ATF7IP: variants seen among roughly 807,000 people sequenced by gnomAD.
The protein encoded by ATF7IP is activating transcription factor 7 interacting protein.
In ATF7IP, 23 loss-of-function variants were observed where a neutral mutation model predicts 106.4. The observed-to-expected ratio is 0.22, with a 90% CI of 0.16 to 0.31. ATF7IP has a LOEUF of 0.31. Among genes scored for constraint, ATF7IP ranks in the 10% least tolerant of loss-of-function variants. The pLI is 1.00. For missense variants in ATF7IP, 1,334 were observed against 1,524.3 expected, an observed-to-expected ratio of 0.88 and a Z score of 2.08; for synonymous variants, 542 against 539.0, an observed-to-expected ratio of 1.01 and a Z score of -0.08.
intron 12 of ATF7IP, among the ~76,000 whole-genome samples, chr12:14,478,994 C>A (rs79489339): frequency 6.6e-6 from 1 of 152,088 alleles, no homozygotes; most frequent in African/African-American, 2.4e-5. Context: ...TACTTGGCTG[C>A]GCAAAATAAT....
intron 10 of ATF7IP, among the ~76,000 whole-genome samples, chr12:14,471,373 A>G (rs996512834): frequency 2.0e-5 from 3 of 152,156 alleles, no homozygotes; most frequent in East Asian, 1.9e-4. Flanking sequence ...TAAGAGTGGT[A>G]TGATTGTGAA....
rs758285920 is a variant in ATF7IP at position 14,460,505 on chromosome 12, C to A, written c.2169C>A (p.Thr723=). 1.2e-6 allele frequency: 2 copies of A among 1,612,488 alleles called. No homozygotes were observed. Among genetic ancestry groups the A allele is most frequent in the East Asian group, 4.5e-5 (2 of 44,866 alleles). The change falls in exon 9 of 15, where the codon ACC becomes ACA. Residue 723 remains threonine, a synonymous_variant. Coordinates refer to ENST00000261168, the MANE Select transcript of ATF7IP (RefSeq NM_018179.5). ...FQTPVNTVSS[T]NLVTPPAVVS... ...GTTTTCTTTCTATAGTATCTTCAAC[C>A]AATCTTGTCACTCCTCCAGCAGTTG...
chr12:14,473,033 G>T (rs1028472875), intron 10 of ATF7IP, among the ~76,000 whole-genome samples: 4 of 152,022 alleles, frequency 2.6e-5, no homozygotes, highest in South Asian at 4.1e-4. Context: ...CATATTTCTT[G>T]ATTTGTTGCT....
At chr12:14,436,051 A>G in intron 3 of ATF7IP, 55 bp from the exon 4 acceptor site, 2 of 1,567,194 alleles carry the variant, frequency 1.3e-6, no homozygotes, top group South Asian at 1.1e-5. Flanking sequence ...GATAATATGC[A>G]TTAAGAGCTA....
At chr12:14,442,220 C>A (rs1200847224) in intron 5 of ATF7IP, among the ~76,000 whole-genome samples, 1 of 152,124 alleles carries the variant, frequency 6.6e-6, no homozygotes, top group Non-Finnish European at 1.5e-5. Flanking sequence ...TTACACTTAA[C>A]ATCTTAACTT....
intron 1 of ATF7IP, among the ~76,000 whole-genome samples, chr12:14,387,840 C>A (rs887173467): frequency 4.6e-5 from 7 of 152,130 alleles, no homozygotes; most frequent in African/African-American, 1.7e-4. Flanking sequence ...TTTAAAAATT[C>A]TCCCCTTTTG....
chr12:14,410,941 A>G (rs1003065899), intron 1 of ATF7IP, among the ~76,000 whole-genome samples: 3 of 152,170 alleles, frequency 2.0e-5, no homozygotes, highest in Non-Finnish European at 4.4e-5. Flanking sequence ...TAATGCATGT[A>G]GTAGCATGTA....
chr12:14,369,883 T>C (rs1938463656), intron 1 of ATF7IP, among the ~76,000 whole-genome samples: 1 of 152,136 alleles, frequency 6.6e-6, no homozygotes, highest in Admixed American at 6.5e-5. Context: ...CATTGTCCTC[T>C]AGGGGTTCCA....
intron 9 of ATF7IP, among the ~76,000 whole-genome samples, chr12:14,461,513 C>T (rs542279906): frequency 1.3e-5 from 2 of 152,058 alleles, no homozygotes; most frequent in African/African-American, 4.8e-5. Context: ...AAAAAAGACA[C>T]GTTTATGTTC....
At chr12:14,434,526 A>G (rs767337598) in intron 3 of ATF7IP, 103 bp downstream of exon 3, 1 of 797,164 alleles carries the variant, frequency 1.3e-6, no homozygotes, top group East Asian at 2.9e-5. Context: ...AAATAATTGT[A>G]AAATTTTGCA....
chr12:14,408,211 A>G lies in ATF7IP; in HGVS notation c.-7-15698A>G, dbSNP rs144374000. Among the ~76,000 whole-genome samples the G allele has an allele frequency of 5.9e-3, 899 of 151,926 alleles. 9 individuals are homozygous for G. Among genetic ancestry groups the G allele is most frequent in the African/African-American group, 0.02 (819 of 41,460 alleles). On this transcript the variant is annotated intron_variant, in intron 1 of 14. Transcript: ENST00000261168. ...ATTTAGCTTAACATTCATTTCTTTAATTGGCACCTAATAAGTAAAGGTGTC... is the reference window on the plus strand; with the variant it reads ...ATTTAGCTTAACATTCATTTCTTTAGTTGGCACCTAATAAGTAAAGGTGTC...
chr12:14,389,204 T>A (rs1939410801), intron 1 of ATF7IP, among the ~76,000 whole-genome samples: 1 of 152,228 alleles, frequency 6.6e-6, no homozygotes, highest in Non-Finnish European at 1.5e-5. Flanking sequence ...ATATAACTCA[T>A]GCTCAGAAGC....
At chr12:14,464,293 C>T (rs1240487070) in intron 9 of ATF7IP, among the ~76,000 whole-genome samples, 5 of 152,194 alleles carry the variant, frequency 3.3e-5, no homozygotes, top group African/African-American at 1.2e-4. Context: ...CCACTGCACT[C>T]CAGCCTGGGC....
chr12:14,467,443 G>C (rs10437802), intron 10 of ATF7IP, among the ~76,000 whole-genome samples: 152,274 of 152,314 alleles, frequency 1, 76,117 homozygotes, highest in East Asian at 1. Context: ...TAACTTCTTA[G>C]AAATGTTAGC....
intron 1 of ATF7IP, among the ~76,000 whole-genome samples, chr12:14,417,582 T>C (rs943131160): frequency 6.6e-6 from 1 of 152,210 alleles, no homozygotes; most frequent in African/African-American, 2.4e-5. Context: ...GAAAAATATG[T>C]TCTTACGTAT....
At position 14,464,032 on chromosome 12, in the gene ATF7IP, G is replaced by T. The variant is rs1943737169; in HGVS notation, c.2798-2494G>T. 2.0e-5 allele frequency among the ~76,000 whole-genome samples: 3 copies of T among 152,210 alleles called. No individual in the cohort carries two copies. In the South Asian group the frequency reaches 6.2e-4, roughly 32 times the overall value. On this transcript the variant is annotated intron_variant, in intron 9 of 14. Transcript: ENST00000261168. ...CTAAGACTATATAAAACTAGAGTTG[G>T]CTAGGCATGGTGGCTTATGCCTGTA... is the stretch of plus-strand genomic sequence containing the variant.
intron 11 of ATF7IP, among the ~76,000 whole-genome samples, chr12:14,476,691 G>C (rs1228824575): frequency 6.6e-6 from 1 of 151,798 alleles, no homozygotes; most frequent in Admixed American, 6.6e-5. Flanking sequence ...TTCTCTCTCT[G>C]TTTATGTTTC....
intron 1 of ATF7IP, among the ~76,000 whole-genome samples, chr12:14,412,233 TTTC>T (rs1565489662): frequency 6.6e-6 from 1 of 152,184 alleles, no homozygotes; most frequent in Non-Finnish European, 1.5e-5. Context: ...CAAGTTTATT[TTTC>T]TTCTTCAAGA....
intron 14 of ATF7IP, among the ~76,000 whole-genome samples, chr12:14,497,101 G>C (rs1945035451): frequency 6.6e-6 from 1 of 152,076 alleles, no homozygotes; most frequent in African/African-American, 2.4e-5. Context: ...GATTATTTCT[G>C]CATCTCTGGA....
Sources: gnomAD v4.1 joint callset for allele counts (sites outside exome capture counted in the v4.1 genomes callset) on GRCh38, gnomAD v4.1.1 for gene constraint, MANE v1.5 for transcripts, NCBI Gene and HGNC (gene_info 2026-07-23, HGNC 2026-07-21) for gene names.